Variants in CMTM8 observed in about 807,000 individuals in gnomAD.
The protein encoded by CMTM8 is CKLF-like MARVEL transmembrane domain-containing protein 8.
A neutral mutation model predicts 18.6 loss-of-function variants in CMTM8; 12 were observed. The ratio of observed to expected loss-of-function variants is 0.65; its 90% CI spans 0.41 to 1.05. The LOEUF is 1.05. Ranked by LOEUF, CMTM8 falls within the 50% of genes least tolerant of loss-of-function variation. CMTM8 has a pLI of 0.00. For missense variants in CMTM8, 217 were observed against 227.2 expected, an observed-to-expected ratio of 0.95 and a Z score of 0.29; for synonymous variants, 87 against 90.6, an observed-to-expected ratio of 0.96 and a Z score of 0.23.
chr3:32,321,164 C>T (rs953887747), intron 1 of CMTM8, among the ~76,000 whole-genome samples: 1 of 151,228 alleles, frequency 6.6e-6, no homozygotes. Flanking sequence ...GTGTGCTTTC[C>T]TGGGGTGAAG....
At chr3:32,243,170 G>C (rs943330003) in intron 1 of CMTM8, among the ~76,000 whole-genome samples, 5 of 151,560 alleles carry the variant, frequency 3.3e-5, no homozygotes, top group African/African-American at 4.8e-5. Flanking sequence ...TGGGATTACA[G>C]GTGTGAGCCA....
intron 2 of CMTM8, among the ~76,000 whole-genome samples, chr3:32,362,197 C>T (rs12494815): frequency 0.087 from 13,196 of 151,864 alleles, 831 homozygotes; most frequent in East Asian, 0.26. Flanking sequence ...CTCACCACCA[C>T]GCCCAGCTAA....
At chr3:32,352,739 T>A (rs1431116528) in intron 1 of CMTM8, among the ~76,000 whole-genome samples, 3 of 152,128 alleles carry the variant, frequency 2.0e-5, no homozygotes, top group Non-Finnish European at 4.4e-5. Flanking sequence ...CTGGCAGTGT[T>A]GTGTTTCTTG....
chr3:32,314,619 A>G (rs1290787378), intron 1 of CMTM8, among the ~76,000 whole-genome samples: 1 of 152,070 alleles, frequency 6.6e-6, no homozygotes, highest in Admixed American at 6.5e-5. Flanking sequence ...AGCTAGGATT[A>G]CAGGCGCATG....
At chr3:32,250,589 A>G (rs963478501) in intron 1 of CMTM8, among the ~76,000 whole-genome samples, 6 of 152,128 alleles carry the variant, frequency 3.9e-5, no homozygotes, top group Admixed American at 3.9e-4. Flanking sequence ...TTCAGTATAC[A>G]TGTCTTGCCC....
At chr3:32,256,860 A>T (rs1296324124) in intron 1 of CMTM8, among the ~76,000 whole-genome samples, 1 of 152,168 alleles carries the variant, frequency 6.6e-6, no homozygotes, top group Non-Finnish European at 1.5e-5. Flanking sequence ...TGTAACTTCT[A>T]TAATGTTTGT....
intron 1 of CMTM8, among the ~76,000 whole-genome samples, chr3:32,309,300 AT>A (rs4038996): frequency 0.035 from 3,363 of 96,366 alleles, 68 homozygotes; most frequent in African/African-American, 0.082. Context: ...CAATTTACCA[AT>A]TTTTTTTTTT....
At position 32,335,459 on chromosome 3, in the gene CMTM8, C is replaced by T. The variant is rs147831198; in HGVS notation, c.148-21914C>T. On this transcript the variant is annotated intron_variant, in intron 1 of 3. Transcript: ENST00000307526. The stretch of plus-strand genomic sequence containing the variant: ...ACCAGCTGGCCTGGGGAAAAGGCAG[C>T]ATGGAAATGTGTGCAGGTAGACTCA... Among the ~76,000 whole-genome samples the T allele has an allele frequency of 2.4e-3, 371 of 152,286 alleles. 1 individual carries two copies. The highest frequency in any genetic ancestry group is 8.5e-3 in the African/African-American group (353 of 41,552).
At chr3:32,327,764 A>ACC in intron 1 of CMTM8, among the ~76,000 whole-genome samples, 1 of 152,278 alleles carries the variant, frequency 6.6e-6, no homozygotes, top group Non-Finnish European at 1.5e-5. Context: ...AACTGCCTGC[A>ACC]CCCTCTTCAG....
chr3:32,238,770 A>G lies in CMTM8; in HGVS notation c.-203A>G, dbSNP rs1701903045. 6.4e-6 allele frequency: 2 copies of G among 313,116 alleles called. No homozygotes were observed. The highest frequency in any genetic ancestry group is 3.2e-4 in the South Asian group (2 of 6,330). The allele number at this position is 313,116 out of a possible 1,614,324, so 19.4% of individuals were successfully genotyped here. On this transcript the variant is annotated 5_prime_UTR_variant, in exon 1 of 4. Coordinates refer to ENST00000307526, the MANE Select transcript of CMTM8 (RefSeq NM_178868.5). The stretch of plus-strand genomic sequence containing the variant: ...CCCAGCGCAGCTCGGGAGCCCGCGC[A>G]CCGAGGCGCTAGGGGCACCGCGCAC...
intron 1 of CMTM8, among the ~76,000 whole-genome samples, chr3:32,266,920 A>G (rs1439562968): frequency 1.3e-5 from 2 of 152,232 alleles, no homozygotes; most frequent in African/African-American, 2.4e-5. Flanking sequence ...TTCAAGGAGA[A>G]CTGCAAACCA....
Position 32,355,014 on chromosome 3 carries a change from G to A in CMTM8, c.148-2359G>A, listed in dbSNP as rs185211113. Among the ~76,000 whole-genome samples the A allele has an allele frequency of 1.6e-3, 237 of 152,218 alleles. 2 individuals carry two copies. Among genetic ancestry groups the A allele is most frequent in the African/African-American group, 5.6e-3 (234 of 41,532 alleles). On this transcript the variant is annotated intron_variant, in intron 1 of 3. Transcript: ENST00000307526. Reference sequence around the variant, plus strand: ...TCTGGAATTCATATACTAACATCAAGCAGATAAAAGAATGTTGATGCTCAA... The same window carrying A: ...TCTGGAATTCATATACTAACATCAAACAGATAAAAGAATGTTGATGCTCAA...
intron 1 of CMTM8, among the ~76,000 whole-genome samples, chr3:32,295,252 TC>T (rs1235940464): frequency 6.6e-6 from 1 of 151,720 alleles, no homozygotes; most frequent in Non-Finnish European, 1.5e-5. Context: ...GGTCAGGAGT[TC>T]GAGAACAGCC....
intron 1 of CMTM8, among the ~76,000 whole-genome samples, chr3:32,328,370 C>CAAAAAAA (rs796201249): frequency 1.2e-4 from 9 of 74,786 alleles, no homozygotes; most frequent in African/African-American, 3.7e-4. Flanking sequence ...ACCCTGTCTC[C>CAAAAAAA]AAAAAAAAAA....
chr3:32,327,249 A>G (rs1308095523), intron 1 of CMTM8, among the ~76,000 whole-genome samples: 1 of 152,240 alleles, frequency 6.6e-6, no homozygotes, highest in African/African-American at 2.4e-5. Flanking sequence ...TCTTCTGAAT[A>G]GTACTTCTCT....
intron 1 of CMTM8, among the ~76,000 whole-genome samples, chr3:32,269,668 A>G (rs1452720864): frequency 6.6e-6 from 1 of 152,200 alleles, no homozygotes; most frequent in Non-Finnish European, 1.5e-5. Flanking sequence ...GCAGATTTAC[A>G]TAGCTGAGAA....
At chr3:32,255,084 G>A (rs1433780279) in intron 1 of CMTM8, among the ~76,000 whole-genome samples, 5 of 151,860 alleles carry the variant, frequency 3.3e-5, no homozygotes, top group Admixed American at 6.6e-5. Context: ...TCCATGTTGT[G>A]GCATGTATCA....
chr3:32,303,758 G>A (rs977689203), intron 1 of CMTM8, among the ~76,000 whole-genome samples: 16 of 152,076 alleles, frequency 1.1e-4, no homozygotes, highest in Middle Eastern at 6.8e-3. Flanking sequence ...GGTTTCTCTC[G>A]CTGTGTGAAT....
intron 1 of CMTM8, among the ~76,000 whole-genome samples, chr3:32,332,019 C>T (rs772543720): frequency 6.0e-5 from 9 of 149,554 alleles, no homozygotes; most frequent in East Asian, 1.9e-4. Flanking sequence ...TTAAATGTTA[C>T]GTTCTTTTGA....
Sources: gnomAD v4.1 joint callset for allele counts (sites outside exome capture counted in the v4.1 genomes callset) on GRCh38, gnomAD v4.1.1 for gene constraint, MANE v1.5 for transcripts, NCBI Gene and HGNC (gene_info 2026-07-23, HGNC 2026-07-21) for gene names.